The following MCTP2 variants were observed in gnomAD, a reference collection of about 807,000 sequenced individuals.
MCTP2 encodes the protein multiple C2 and transmembrane domain containing 2, also known as multiple C2 and transmembrane domain-containing protein 2.
In MCTP2, 132 loss-of-function variants were observed where a neutral mutation model predicts 111.6. The ratio of observed to expected loss-of-function variants is 1.18; its 90% CI spans 1.03 to 1.37. MCTP2 has a LOEUF of 1.37. Ranked by LOEUF, MCTP2 falls within the 40% of genes most tolerant of loss-of-function variation. The probability of loss-of-function intolerance (pLI) is 0.00; values close to 1 mark genes in which losing one functional copy is unlikely to be tolerated. For missense variants in MCTP2, 1,183 were observed against 1,067.9 expected (o/e 1.11, Z -1.50); for synonymous variants, 395 against 387.7 (o/e 1.02, Z -0.22).
chr15:94,415,051 C>T (rs2082312508), intron 17 of MCTP2, among the ~76,000 whole-genome samples: 1 of 151,922 alleles, frequency 6.6e-6, no homozygotes, highest in Non-Finnish European at 1.5e-5. Context: ...GTGGATGATA[C>T]CTACAGTAAC....
chr15:94,236,953 TGA>T (rs1160394749), intron 1 of MCTP2, among the ~76,000 whole-genome samples: 2 of 151,714 alleles, frequency 1.3e-5, no homozygotes, highest in East Asian at 3.9e-4. Context: ...AGGTGGGTGA[TGA>T]GAGAGAGGGA....
intron 14 of MCTP2, among the ~76,000 whole-genome samples, chr15:94,395,402 C>T (rs571550290): frequency 2.0e-5 from 3 of 152,304 alleles, no homozygotes; most frequent in African/African-American, 7.2e-5. Context: ...TGTATCTTTC[C>T]TCTCTAAAGC....
chr15:94,266,375 A>G (rs117295448), intron 1 of MCTP2, among the ~76,000 whole-genome samples: 18 of 152,220 alleles, frequency 1.2e-4, no homozygotes, highest in South Asian at 2.1e-4. Context: ...CTCCTCCAAG[A>G]TATATGCTTC....
chr15:94,272,120 C>A (rs965001550), intron 1 of MCTP2, among the ~76,000 whole-genome samples: 15 of 152,130 alleles, frequency 9.9e-5, no homozygotes, highest in African/African-American at 3.6e-4. Context: ...TTAAGAGATC[C>A]ATCTGTGTGG....
chr15:94,305,989 A>C (rs1161359309), intron 2 of MCTP2, among the ~76,000 whole-genome samples: 1 of 152,186 alleles, frequency 6.6e-6, no homozygotes, highest in East Asian at 1.9e-4. Flanking sequence ...GTATTTAGAA[A>C]ATGCATACGG....
At chr15:94,330,385 G>A (rs996732229) in intron 4 of MCTP2, among the ~76,000 whole-genome samples, 3 of 152,106 alleles carry the variant, frequency 2.0e-5, no homozygotes, top group Middle Eastern at 3.2e-3. Context: ...CAATAATCAT[G>A]TATGCTTTGG....
intron 1 of MCTP2, among the ~76,000 whole-genome samples, chr15:94,256,339 T>A (rs934281261): frequency 6.6e-6 from 1 of 152,118 alleles, no homozygotes; most frequent in African/African-American, 2.4e-5. Flanking sequence ...TCTACAAAAA[T>A]CTGAAATCAG....
At chr15:94,406,033 T>C (rs2081880124) in intron 17 of MCTP2, among the ~76,000 whole-genome samples, 1 of 152,164 alleles carries the variant, frequency 6.6e-6, no homozygotes, top group Non-Finnish European at 1.5e-5. Flanking sequence ...TCCCTATGAA[T>C]AGATTTGTAA....
chr15:94,354,209 G>T (rs1176982078), intron 8 of MCTP2, among the ~76,000 whole-genome samples: 1 of 152,036 alleles, frequency 6.6e-6, no homozygotes, highest in Non-Finnish European at 1.5e-5. Flanking sequence ...TGCCCCTTCT[G>T]TTCTGTCTCA....
At chr15:94,457,446 C>T (rs573048891) in intron 19 of MCTP2, among the ~76,000 whole-genome samples, 7 of 152,080 alleles carry the variant, frequency 4.6e-5, no homozygotes, top group Non-Finnish European at 7.4e-5. Flanking sequence ...TTGGAAATTA[C>T]GGAAGATGAA....
intron 17 of MCTP2, chr15:94,402,374 T>C (rs1434696020): frequency 2.7e-6 from 4 of 1,490,414 alleles, no homozygotes; most frequent in Non-Finnish European, 3.6e-6. Context: ...AATAACTGAA[T>C]TGTTCAATTT....
At chr15:94,336,382 G>A (rs2077360981) in intron 4 of MCTP2, among the ~76,000 whole-genome samples, 1 of 152,090 alleles carries the variant, frequency 6.6e-6, no homozygotes, top group South Asian at 2.1e-4. Context: ...TTCCTTCTTG[G>A]ACTTTGTGTT....
intron 14 of MCTP2, among the ~76,000 whole-genome samples, chr15:94,397,001 T>A (rs904490079): frequency 6.6e-6 from 1 of 152,196 alleles, no homozygotes; most frequent in South Asian, 2.1e-4. Flanking sequence ...TCAATAAAAT[T>A]TAGAAAGGAT....
At chr15:94,387,305 G>A (rs115484648) in intron 14 of MCTP2, among the ~76,000 whole-genome samples, 3,420 of 151,440 alleles carry the variant, frequency 0.023, 116 homozygotes, top group African/African-American at 0.075. Context: ...ATGTCCAGCC[G>A]TCTCCCTGAC....
At chr15:94,306,938 G>A (rs185677736) in intron 2 of MCTP2, among the ~76,000 whole-genome samples, 7 of 152,244 alleles carry the variant, frequency 4.6e-5, no homozygotes, top group East Asian at 3.9e-4. Context: ...AAACAAGTGC[G>A]TCAGTTTCTC....
In MCTP2 at chr15:94,313,691, ACT is replaced by A. The variant is rs144755823; in HGVS notation, c.466-588_466-587del. Among the ~76,000 whole-genome samples the A allele has an allele frequency of 9.3e-4, 141 of 151,408 alleles. 1 individual carries two copies. The highest frequency in any genetic ancestry group is 3.3e-3 in the African/African-American group (135 of 41,244). The stretch of plus-strand genomic sequence containing the variant: ...ACTCCAGCCTGGGCGACAGAGTGAG[ACT>A]CTGTCTAAAAAAAAAAACAAACAAA... On this transcript the variant is annotated intron_variant, in intron 2 of 22. Transcript: ENST00000357742.
At chr15:94,348,202 G>A (rs975491516) in intron 8 of MCTP2, among the ~76,000 whole-genome samples, 2 of 150,624 alleles carry the variant, frequency 1.3e-5, no homozygotes, top group Non-Finnish European at 3.0e-5. Context: ...CTTTTATTTT[G>A]GTTCCTCTCT....
chr15:94,471,462 C>G (rs893875195), intron 21 of MCTP2, among the ~76,000 whole-genome samples: 2 of 152,146 alleles, frequency 1.3e-5, no homozygotes, highest in Non-Finnish European at 2.9e-5. Context: ...AAGTAGAATC[C>G]TGCTGTCAAG....
intron 20 of MCTP2, among the ~76,000 whole-genome samples, chr15:94,465,644 G>T (rs574698963): frequency 6.6e-6 from 1 of 151,952 alleles, no homozygotes; most frequent in South Asian, 2.1e-4. Context: ...TGTTTCTCTT[G>T]TATCTCACCA....
Sources: allele counts gnomAD v4.1 joint callset (sites outside exome capture counted in the v4.1 genomes callset), GRCh38; gene constraint gnomAD v4.1.1; transcripts MANE v1.5; gene names NCBI Gene and HGNC (gene_info 2026-07-23, HGNC 2026-07-21).